TRAIP: variants seen among roughly 807,000 people sequenced by gnomAD.
TRAIP encodes the protein E3 ubiquitin-protein ligase TRAIP.
Under a neutral mutation model 65.0 loss-of-function variants are expected in TRAIP, and 37 were observed. That is an observed-to-expected ratio of 0.57 (90% CI 0.44 to 0.75). The LOEUF (loss-of-function observed/expected upper bound fraction) is 0.75. Among genes scored for constraint, TRAIP ranks in the 30% least tolerant of loss-of-function variants. The probability of loss-of-function intolerance (pLI) is 0.00; values close to 1 mark genes in which losing one functional copy is unlikely to be tolerated. For synonymous variants in TRAIP, 187 were observed against 219.1 expected (o/e 0.85, Z 1.29); for missense variants, 481 against 579.4 (o/e 0.83, Z 1.74).
chr3:49,835,985 G>A (rs1378442354), intron 10 of TRAIP, among the ~76,000 whole-genome samples: 3 of 149,706 alleles, frequency 2.0e-5, no homozygotes, highest in Non-Finnish European at 3.0e-5. Context: ...TTGTTTTTGC[G>A]ACAGTCTCGC....
chr3:49,843,935 CA>C lies in TRAIP; in HGVS notation c.281-8del. ...CTGTCTCGTTTCTCCTTGTCTGGAG[CA>C]GGGGTAGAGGGCGGAGGAAAGGGAA... On this transcript the variant is annotated splice_polypyrimidine_tract_variant and splice_region_variant and intron_variant, in intron 4 of 14. Coordinates refer to ENST00000331456, the MANE Select transcript of TRAIP (RefSeq NM_005879.3). 6.2e-7 allele frequency: 1 copy of C among 1,604,840 alleles called. No individual in the cohort carries two copies.
At chr3:49,830,335 C>T (rs1291542975) in intron 11 of TRAIP, among the ~76,000 whole-genome samples, 1 of 152,154 alleles carries the variant, frequency 6.6e-6, no homozygotes, top group Non-Finnish European at 1.5e-5. Context: ...GGCCAAATTC[C>T]AACGCTCCTC....
chr3:49,842,531 A>G lies in TRAIP; in HGVS notation c.425T>C (p.Leu142Ser). The G allele has an allele frequency of 6.2e-7, 1 of 1,613,690 alleles. No homozygotes were observed. The highest frequency in any genetic ancestry group is 8.5e-7 in the Non-Finnish European group (1 of 1,179,974). The change falls in exon 6 of 15, where the codon TTA becomes TCA. Residue 142 changes from leucine to serine, a missense_variant. Physicochemically the swap from Leu to Ser is moderately radical, Grantham distance 145 (BLOSUM62 -2). Coordinates refer to ENST00000331456, the MANE Select transcript of TRAIP (RefSeq NM_005879.3). ...TTTGGTCTCATCCTGCTGCTGCTCT[A>G]AGTACTTCATCTGCTTCTGAAGAGC... ...CSTLKKQMKY[L>S]EQQQDETKQA...
intron 1 of TRAIP, among the ~76,000 whole-genome samples, chr3:49,854,757 C>T (rs1300110422): frequency 1.3e-5 from 2 of 152,086 alleles, no homozygotes; most frequent in Non-Finnish European, 2.9e-5. Context: ...AAAAGTCCAA[C>T]TAAATGTTGT....
intron 14 of TRAIP, 92 bp from the exon 15 acceptor site, chr3:49,829,317 G>A (rs1451258635): frequency 1.2e-5 from 20 of 1,611,598 alleles, no homozygotes; most frequent in East Asian, 1.1e-4. Context: ...GCTCAGAGCC[G>A]GGGGTGGGCG....
At chr3:49,848,018 C>A in intron 2 of TRAIP, 125 bp downstream of exon 2, 5 of 1,045,494 alleles carry the variant, frequency 4.8e-6, no homozygotes, top group Non-Finnish European at 7.2e-6. Context: ...TGAGGCTCAA[C>A]TGGCCTTAAA....
chr3:49,853,628 G>A (rs565557005), intron 1 of TRAIP, among the ~76,000 whole-genome samples: 3 of 151,684 alleles, frequency 2.0e-5, no homozygotes, highest in African/African-American at 7.3e-5. Context: ...GGCGGATCAC[G>A]AGGTCAGGAG....
intron 1 of TRAIP, among the ~76,000 whole-genome samples, chr3:49,854,239 C>T (rs985270603): frequency 6.6e-6 from 1 of 152,140 alleles, no homozygotes; most frequent in Non-Finnish European, 1.5e-5. Context: ...GCAGGAGGAT[C>T]GCTTGAGTCC....
intron 10 of TRAIP, among the ~76,000 whole-genome samples, chr3:49,832,633 A>G (rs919425867): frequency 2.1e-5 from 3 of 142,324 alleles, no homozygotes; most frequent in South Asian, 2.3e-4. Flanking sequence ...CATGTCAACC[A>G]TAAGTACCTC....
At position 49,840,376 on chromosome 3, in the gene TRAIP, A is replaced by G. The variant is rs780676622; in HGVS notation, c.706-3T>C. 1.7e-5 allele frequency: 28 copies of G among 1,613,616 alleles called. 1 individual carries two copies. The highest frequency in any genetic ancestry group is 1.6e-4 in the East Asian group (7 of 44,898). Reference sequence around the variant, plus strand: ...AATTCAGAGTAGACTGTCTGCAACTATAAGAAAGTGTAGGGAATGAAAGAC... The same window carrying G: ...AATTCAGAGTAGACTGTCTGCAACTGTAAGAAAGTGTAGGGAATGAAAGAC... On this transcript the variant is annotated splice_polypyrimidine_tract_variant and splice_region_variant and intron_variant, in intron 8 of 14. Coordinates refer to ENST00000331456, the MANE Select transcript of TRAIP (RefSeq NM_005879.3).
At chr3:49,853,121 C>CAA (rs749868575) in intron 1 of TRAIP, among the ~76,000 whole-genome samples, 16 of 91,932 alleles carry the variant, frequency 1.7e-4, no homozygotes, top group African/African-American at 5.3e-4. Flanking sequence ...GACTCTGTCT[C>CAA]AAAAAAAAAA....
intron 10 of TRAIP, among the ~76,000 whole-genome samples, chr3:49,835,415 G>A (rs1439381648): frequency 6.6e-6 from 1 of 152,212 alleles, no homozygotes; most frequent in Non-Finnish European, 1.5e-5. Context: ...GAGCTGAGGA[G>A]AAAGGGGAAA....
chr3:49,843,666 T>G, intron 5 of TRAIP, 135 bp downstream of exon 5: 1 of 1,195,856 alleles, frequency 8.4e-7, no homozygotes, highest in Non-Finnish European at 1.2e-6. Flanking sequence ...GAAGAAGTGA[T>G]TTGCCTCTAT....
chr3:49,830,625 G>A (rs1045542974), intron 11 of TRAIP, among the ~76,000 whole-genome samples: 2 of 152,156 alleles, frequency 1.3e-5, no homozygotes, highest in African/African-American at 2.4e-5. Context: ...GCAGAATAGC[G>A]CATGGCCCCA....
intron 1 of TRAIP, among the ~76,000 whole-genome samples, chr3:49,855,339 T>C (rs2081961825): frequency 6.6e-6 from 1 of 151,908 alleles, no homozygotes; most frequent in Admixed American, 6.6e-5. Flanking sequence ...TGTCAGCTAC[T>C]TGGGAGGCTG....
chr3:49,832,736 T>C (rs2081747626), intron 10 of TRAIP, among the ~76,000 whole-genome samples: 1 of 140,014 alleles, frequency 7.1e-6, no homozygotes, highest in African/African-American at 2.8e-5. Context: ...GGGAGTGAAG[T>C]TTTATTCTAT....
intron 11 of TRAIP, 127 bp downstream of exon 11, chr3:49,831,789 G>A (rs1447772624): frequency 1.8e-6 from 2 of 1,128,662 alleles, no homozygotes; most frequent in Admixed American, 6.5e-5. Context: ...TGGAACCAAA[G>A]CCATGGCCAA....
chr3:49,844,940 C>T lies in TRAIP; in HGVS notation c.241-360G>A, dbSNP rs182417657. On this transcript the variant is annotated intron_variant, in intron 3 of 14. Transcript: ENST00000331456. ...TCGCTCTATGTTGGTCTCATTCCCT[C>T]TGGGCATCAGCTGACTCACCAGGGA... Among the ~76,000 whole-genome samples the T allele has an allele frequency of 1.2e-3, 186 of 152,330 alleles. 2 individuals are homozygous for T. The highest frequency in any genetic ancestry group is 0.012 in the Admixed American group (179 of 15,304).
intron 10 of TRAIP, among the ~76,000 whole-genome samples, chr3:49,833,769 G>A (rs1575390763): frequency 6.6e-6 from 1 of 152,118 alleles, no homozygotes; most frequent in Non-Finnish European, 1.5e-5. Context: ...ATGAGCCACC[G>A]CGCCCGGCCT....
Sources: allele counts gnomAD v4.1 joint callset (sites outside exome capture counted in the v4.1 genomes callset), GRCh38; gene constraint gnomAD v4.1.1; transcripts MANE v1.5; gene names NCBI Gene and HGNC (gene_info 2026-07-23, HGNC 2026-07-21).